The following MAGI2 variants were observed in gnomAD, a reference collection of about 807,000 sequenced individuals.
MAGI2 encodes the protein membrane-associated guanylate kinase, WW and PDZ domain-containing protein 2.
A neutral mutation model predicts 133.3 loss-of-function variants in MAGI2; 35 were observed. The observed-to-expected ratio is 0.26, with a 90% CI of 0.20 to 0.35. The LOEUF is 0.35. Ranked by LOEUF, MAGI2 falls within the 10% of genes least tolerant of loss-of-function variation. The pLI is 1.00. For missense variants in MAGI2, 1,636 were observed against 1,863.4 expected, an observed-to-expected ratio of 0.88 and a Z score of 2.25; for synonymous variants, 729 against 710.6, an observed-to-expected ratio of 1.03 and a Z score of -0.41.
intron 6 of MAGI2, among the ~76,000 whole-genome samples, chr7:78,478,964 G>A (rs1359023321): frequency 2.0e-5 from 3 of 151,904 alleles, no homozygotes; most frequent in African/African-American, 7.2e-5. Context: ...ATACCTAGAA[G>A]CAGTGTAGGT....
intron 1 of MAGI2, among the ~76,000 whole-genome samples, chr7:79,154,635 A>G (rs1823589769): frequency 2.0e-5 from 3 of 152,170 alleles, no homozygotes; most frequent in Non-Finnish European, 4.4e-5. Flanking sequence ...TACATAGAAG[A>G]GTTTTAAGCT....
chr7:78,576,776 A>T (rs1802310644), intron 3 of MAGI2, among the ~76,000 whole-genome samples: 1 of 152,048 alleles, frequency 6.6e-6, no homozygotes, highest in African/African-American at 2.4e-5. Flanking sequence ...TTGGGTCTCC[A>T]TTTCTGAAGT....
chr7:79,197,680 A>G (rs185812874), intron 1 of MAGI2, among the ~76,000 whole-genome samples: 1 of 152,098 alleles, frequency 6.6e-6, no homozygotes, highest in Non-Finnish European at 1.5e-5. Flanking sequence ...TTTATAAGCA[A>G]CAGAAATTTA....
intron 6 of MAGI2, among the ~76,000 whole-genome samples, chr7:78,399,636 C>T (rs1796666704): frequency 6.6e-6 from 1 of 151,942 alleles, no homozygotes. Flanking sequence ...GAAACCTCAT[C>T]TGTACTAAAA....
At chr7:79,103,413 A>G (rs1818163474) in intron 1 of MAGI2, among the ~76,000 whole-genome samples, 1 of 152,114 alleles carries the variant, frequency 6.6e-6, no homozygotes, top group Non-Finnish European at 1.5e-5. Flanking sequence ...TGTACAGATG[A>G]GTAAAGCATA....
At chr7:78,909,684 T>C (rs1049086060) in intron 2 of MAGI2, among the ~76,000 whole-genome samples, 6 of 151,408 alleles carry the variant, frequency 4.0e-5, no homozygotes, top group African/African-American at 1.2e-4. Flanking sequence ...TTTTACACTA[T>C]TGGTGGGAAT....
intron 1 of MAGI2, among the ~76,000 whole-genome samples, chr7:79,045,502 C>T (rs1162009932): frequency 6.6e-6 from 1 of 152,138 alleles, no homozygotes; most frequent in Non-Finnish European, 1.5e-5. Context: ...TAAGATCTAT[C>T]CAAGTTGTAG....
At chr7:78,140,897 A>G (rs1406160620) in intron 16 of MAGI2, among the ~76,000 whole-genome samples, 1 of 152,216 alleles carries the variant, frequency 6.6e-6, no homozygotes, top group Non-Finnish European at 1.5e-5. Context: ...ATAAATTTAT[A>G]AAAATACATA....
intron 2 of MAGI2, among the ~76,000 whole-genome samples, chr7:78,716,385 T>C (rs996864192): frequency 6.6e-6 from 1 of 152,126 alleles, no homozygotes; most frequent in Non-Finnish European, 1.5e-5. Flanking sequence ...AAGGCACTTA[T>C]GGTAGAAAGC....
At chr7:78,613,280 G>A (rs1266385072) in intron 3 of MAGI2, among the ~76,000 whole-genome samples, 2 of 152,144 alleles carry the variant, frequency 1.3e-5, no homozygotes, top group African/African-American at 4.8e-5. Flanking sequence ...TCTCTTACAG[G>A]ACAGATAAAT....
At chr7:78,345,533 A>G in intron 8 of MAGI2, 1 of 179,784 alleles carries the variant, frequency 5.6e-6, no homozygotes. Flanking sequence ...ACGGGGGCGG[A>G]TGGATTTGGG....
At chr7:78,041,296 T>A (rs1259130771) in intron 21 of MAGI2, among the ~76,000 whole-genome samples, 1 of 152,178 alleles carries the variant, frequency 6.6e-6, no homozygotes, top group Admixed American at 6.5e-5. Flanking sequence ...TTTGGTTGAA[T>A]GAAAGACATA....
At chr7:79,173,426 AG>A (rs1825808076) in intron 1 of MAGI2, among the ~76,000 whole-genome samples, 1 of 152,046 alleles carries the variant, frequency 6.6e-6, no homozygotes, top group African/African-American at 2.4e-5. Flanking sequence ...CCTGGGCTCA[AG>A]TGATCCTTCC....
intron 6 of MAGI2, among the ~76,000 whole-genome samples, chr7:78,424,716 A>C (rs1179809692): frequency 6.6e-6 from 1 of 152,114 alleles, no homozygotes; most frequent in Non-Finnish European, 1.5e-5. Flanking sequence ...AGTCAAAGGA[A>C]ATCATTTTGG....
At chr7:79,057,203 T>C (rs1049375404) in intron 1 of MAGI2, among the ~76,000 whole-genome samples, 1 of 152,168 alleles carries the variant, frequency 6.6e-6, no homozygotes, top group Non-Finnish European at 1.5e-5. Context: ...TTTTAAGGCT[T>C]AAAGGTCCTT....
intron 2 of MAGI2, among the ~76,000 whole-genome samples, chr7:78,804,368 G>A (rs1205702114): frequency 2.0e-5 from 3 of 151,696 alleles, no homozygotes; most frequent in Admixed American, 6.6e-5. Context: ...ATAAAAATAC[G>A]GAGAATTATT....
intron 1 of MAGI2, among the ~76,000 whole-genome samples, chr7:79,166,971 T>G (rs571595180): frequency 6.6e-6 from 1 of 152,162 alleles, no homozygotes; most frequent in South Asian, 2.1e-4. Flanking sequence ...CTCAGAGTCC[T>G]CATAATTAAG....
At chr7:79,026,853 C>G (rs1809940940) in intron 1 of MAGI2, among the ~76,000 whole-genome samples, 1 of 144,050 alleles carries the variant, frequency 6.9e-6, no homozygotes, top group South Asian at 2.3e-4. Context: ...GGAGACAGAG[C>G]AAGACTGTCT....
chr7:78,670,694 A>T (rs971688218), intron 2 of MAGI2, among the ~76,000 whole-genome samples: 1 of 152,176 alleles, frequency 6.6e-6, no homozygotes, highest in Non-Finnish European at 1.5e-5. Flanking sequence ...AGAGTAACCA[A>T]AACAGCATGG....
Sources: allele counts gnomAD v4.1 joint callset (sites outside exome capture counted in the v4.1 genomes callset), GRCh38; gene constraint gnomAD v4.1.1; transcripts MANE v1.5; gene names NCBI Gene and HGNC (gene_info 2026-07-23, HGNC 2026-07-21).